Variants in CARD14 observed in about 807,000 individuals in gnomAD.
CARD14 encodes the protein caspase recruitment domain family member 14.
CARD14 carries 107 observed loss-of-function variants against 111.5 expected under a neutral mutation model. The observed-to-expected ratio is 0.96, with a 90% CI of 0.82 to 1.13. The LOEUF (loss-of-function observed/expected upper bound fraction) is 1.13, where lower values mean the gene tolerates loss of function less well. Among genes scored for constraint, CARD14 ranks in the 50% most tolerant of loss-of-function variants. The probability of loss-of-function intolerance (pLI) is 0.00; values close to 1 mark genes in which losing one functional copy is unlikely to be tolerated. For missense variants in CARD14, 1,322 were observed against 1,362.3 expected (o/e 0.97, Z 0.47); for synonymous variants, 617 against 579.6 (o/e 1.06, Z -0.93).
chr17:80,205,276 T>TTCCTC, intron 21 of CARD14, 71 bp downstream of exon 21: 1 of 1,036,304 alleles, frequency 9.6e-7, no homozygotes. Flanking sequence ...TCCTCCCTCC[T>TTCCTC]TCCTCCCCTT....
intron 2 of CARD14, among the ~76,000 whole-genome samples, chr17:80,173,787 T>C (rs1454381285): frequency 1.3e-5 from 2 of 152,174 alleles, no homozygotes; most frequent in Admixed American, 1.3e-4. Flanking sequence ...TTAGTACAGA[T>C]GGGGTTTCAC....
intron 2 of CARD14, among the ~76,000 whole-genome samples, chr17:80,178,155 TCTTC>T (rs2144116418): frequency 6.6e-6 from 1 of 152,284 alleles, no homozygotes; most frequent in South Asian, 2.1e-4. Flanking sequence ...CTCCAGCTGT[TCTTC>T]CTTCCGGGCA....
chr17:80,198,129 C>G lies in CARD14; in HGVS notation c.1625C>G (p.Pro542Arg). The G allele has an allele frequency of 6.2e-7, 1 of 1,613,868 alleles. No individual in the cohort carries two copies. The highest frequency in any genetic ancestry group is 1.1e-5 in the South Asian group (1 of 91,056). ...DLPQLESSLQ[P>R]VSPGRLDVSE... ...CCGCAGCTGGAAAGCAGCCTGCAGC[C>G]AGTCTCCCCTGGAAGGCTTGATGTC... Residue 542 changes from proline to arginine, a missense_variant, in exon 15 of 24, where the codon CCA becomes CGA. Transcript: ENST00000648509. The surrounding 1 kb of genome is among the most constrained non-coding windows in gnomAD (Gnocchi z 7.5).
Position 80,181,669 on chromosome 17 carries a change from C to T in CARD14, c.211+20C>T, listed in dbSNP as rs539713605. The stretch of plus-strand genomic sequence containing the variant: ...GGGCCGGTGAGCGCAGCTCCCTCTT[C>T]CCCACCTCTTCCAGCTTCCCGTGGC... On this transcript the variant is annotated intron_variant, in intron 5 of 23. Transcript: ENST00000648509. 1.1e-4 allele frequency: 170 copies of T among 1,528,124 alleles called. 2 individuals are homozygous for T. In the African/African-American group the frequency reaches 2.1e-3, roughly 19 times the overall value. 94.7% of individuals were successfully genotyped at this position (1,528,124 alleles called of 1,614,324 possible).
At position 80,206,503 on chromosome 17, in the gene CARD14, C is replaced by T. The variant is rs543705140; in HGVS notation, c.2692-467C>T. ...AAAGTGGGCCGGGTGCGGTGGCTCACGCCTCTAATCCCAGCACTTTGGGAG... is the reference window on the plus strand; with the variant it reads ...AAAGTGGGCCGGGTGCGGTGGCTCATGCCTCTAATCCCAGCACTTTGGGAG... On this transcript the variant is annotated intron_variant, in intron 22 of 23. Transcript: ENST00000648509. Among the ~76,000 whole-genome samples, 234 of 152,320 alleles carry T rather than the reference C, an allele frequency of 1.5e-3. 1 individual carries two copies. Among genetic ancestry groups the T allele is most frequent in the African/African-American group, 5.4e-3 (226 of 41,574 alleles).
Position 80,189,138 on chromosome 17 carries a change from G to T in CARD14, c.843+594G>T, listed in dbSNP as rs2040436743. 6.6e-6 allele frequency among the ~76,000 whole-genome samples: 1 copy of T among 152,190 alleles called. No individual in the cohort carries two copies. Among genetic ancestry groups the T allele is most frequent in the Non-Finnish European group, 1.5e-5 (1 of 68,040 alleles). On this transcript the variant is annotated intron_variant, in intron 8 of 23. Transcript: ENST00000648509. This position sits in a 1 kb window ranked among gnomAD's most constrained non-coding sequence, Gnocchi z 4.7. ...AGCGACTGTGTTCTGGAGTGGACTT[G>T]GCCAATTGTAAAGCATGGGATTCGC...
chr17:80,201,516 G>GGTTGGCA lies in CARD14; in HGVS notation c.1852-223_1852-217dup, dbSNP rs2040974377. 1.3e-5 allele frequency: 7 copies of GGTTGGCA among 552,622 alleles called. No individual in the cohort carries two copies. The African/African-American group carries it at 1.4e-4, about 11-fold the overall frequency. 34.2% of individuals were successfully genotyped at this position (552,622 alleles called of 1,614,324 possible). On this transcript the variant is annotated intron_variant, in intron 16 of 23. Transcript: ENST00000648509. The surrounding 1 kb of genome is among the most constrained non-coding windows in gnomAD (Gnocchi z 5.0). ...GAACCCCCGATCTCGACTGGGGAAG[G>GGTTGGCA]GTTGGCAGTTGACTCTCTGGCCAGC... is the stretch of plus-strand genomic sequence containing the variant.
intron 2 of CARD14, among the ~76,000 whole-genome samples, chr17:80,177,345 G>T (rs2040051033): frequency 6.6e-6 from 1 of 151,934 alleles, no homozygotes; most frequent in Admixed American, 6.6e-5. Context: ...TCCCACCTCA[G>T]CCTCCTAAGT....
At chr17:80,204,951 GCAGACC>G in intron 20 of CARD14, 78 bp from the exon 21 acceptor site, 1 of 1,240,700 alleles carries the variant, frequency 8.1e-7, no homozygotes, top group South Asian at 1.5e-5. Context: ...AGTGAGCAAA[GCAGACC>G]CAGTCCCTCC....
At chr17:80,173,327 C>T (rs1363976797) in intron 2 of CARD14, 99 bp downstream of exon 2, 1 of 60,514 alleles carries the variant, frequency 1.7e-5, no homozygotes, top group Admixed American at 1.5e-4. Flanking sequence ...CACACACACG[C>T]GCGCGCGCGC....
Position 80,191,466 on chromosome 17 carries a change from G to T in CARD14, c.1233G>T (p.Pro411=). The change falls in exon 11 of 24, where the codon CCG becomes CCT. Residue 411 remains proline (P), a synonymous_variant. Coordinates refer to ENST00000648509, the MANE Select transcript of CARD14 (RefSeq NM_001366385.1). The part of the protein sequence containing the change: ...TQLRQLQAEP[P]GVLKQEARTR... ...TTCGCCAGCTGCAGGCAGAGCCTCC[G>T]GGTGTGGTGAGTGTTCCCGGCTGAC... The T allele has an allele frequency of 6.2e-7, 1 of 1,611,970 alleles. No homozygotes were observed. The highest frequency in any genetic ancestry group is 8.5e-7 in the Non-Finnish European group (1 of 1,178,742).
chr17:80,201,603 T>C lies in CARD14; in HGVS notation c.1852-141T>C. Reference sequence around the variant, plus strand: ...CCCACAGAGGCTCTGGTGTGTGGCTTTGTTTTGACCAAGGCGTGCAGGCAG... The same window carrying C: ...CCCACAGAGGCTCTGGTGTGTGGCTCTGTTTTGACCAAGGCGTGCAGGCAG... On this transcript the variant is annotated intron_variant, in intron 16 of 23. Coordinates refer to ENST00000648509, the MANE Select transcript of CARD14 (RefSeq NM_001366385.1). This position sits in a 1 kb window ranked among gnomAD's most constrained non-coding sequence, Gnocchi z 5.0. 3.7e-6 allele frequency: 3 copies of C among 816,514 alleles called. No individual in the cohort carries two copies. Among genetic ancestry groups the C allele is most frequent in the Non-Finnish European group, 6.2e-6 (3 of 481,328 alleles). 50.6% of individuals were successfully genotyped at this position (816,514 alleles called of 1,614,324 possible).
At position 80,202,524 on chromosome 17, in the gene CARD14, C is replaced by T. The variant is rs1351988361; in HGVS notation, c.2219+104C>T. On this transcript the variant is annotated intron_variant, in intron 18 of 23. Transcript: ENST00000648509. ...CTCCTGCCCAGCAATAGAGGGTGGG[C>T]GTGGTGAGACCCCCCTAAGGAGGGA... The T allele has an allele frequency of 2.8e-5, 42 of 1,508,098 alleles. No homozygotes were observed. The South Asian group carries it at 4.1e-4, about 15-fold the overall frequency. 93.4% of individuals were successfully genotyped at this position (1,508,098 alleles called of 1,614,324 possible).
chr17:80,172,542 G>A (rs2039925249), intron 1 of CARD14, among the ~76,000 whole-genome samples: 1 of 152,296 alleles, frequency 6.6e-6, no homozygotes, highest in East Asian at 1.9e-4. Flanking sequence ...TTTCATCGGG[G>A]CTGAGGGGAG....
chr17:80,206,425 G>A (rs982691607), intron 22 of CARD14, among the ~76,000 whole-genome samples: 1 of 152,202 alleles, frequency 6.6e-6, no homozygotes, highest in Admixed American at 6.5e-5. Context: ...ACCAGCCTGA[G>A]CAACACAGTG....
rs182076223 is a variant in CARD14 at position 80,185,238 on chromosome 17, G to A, written c.675+1000G>A. On this transcript the variant is annotated intron_variant, in intron 7 of 23. Coordinates refer to ENST00000648509, the MANE Select transcript of CARD14 (RefSeq NM_001366385.1). The stretch of plus-strand genomic sequence containing the variant: ...ATTAAAAAAAAATTTTTTTTGAAAT[G>A]GGGGGTTCTCATTATGTTGCCCAGG... 1.6e-3 allele frequency among the ~76,000 whole-genome samples: 245 copies of A among 151,936 alleles called. 2 individuals carry two copies. Among genetic ancestry groups the A allele is most frequent in the Admixed American group, 4.6e-3 (70 of 15,238 alleles).
Position 80,198,548 on chromosome 17 carries a change from C to A in CARD14, c.1808C>A (p.Ala603Glu). The A allele has an allele frequency of 1.2e-6, 2 of 1,613,142 alleles. No homozygotes were observed. Among genetic ancestry groups the A allele is most frequent in the Non-Finnish European group, 1.7e-6 (2 of 1,179,856 alleles). Reference sequence around the variant, plus strand: ...ATCCACCGGGTCACCCCGGGCTCGGCGGCGGACCAGATGGCCTTGCGCCCG... The same window carrying A: ...ATCCACCGGGTCACCCCGGGCTCGGAGGCGGACCAGATGGCCTTGCGCCCG... ...IFIHRVTPGS[A>E]ADQMALRPGT... Residue 603 changes from alanine (A) to glutamate (E), a missense_variant, in exon 16 of 24, where the codon GCG (alanine) becomes GAG (glutamate). Ala to Glu is a moderately radical substitution (Grantham distance 107). Coordinates refer to ENST00000648509, the MANE Select transcript of CARD14 (RefSeq NM_001366385.1). The surrounding 1 kb of genome is among the most constrained non-coding windows in gnomAD (Gnocchi z 7.5).
chr17:80,175,637 G>A (rs1055991907), intron 2 of CARD14, among the ~76,000 whole-genome samples: 9 of 152,178 alleles, frequency 5.9e-5, no homozygotes, highest in Non-Finnish European at 1.2e-4. Context: ...GCAGGGAAAC[G>A]CCCAGAGCAC....
chr17:80,187,436 G>A (rs142471972), intron 7 of CARD14, among the ~76,000 whole-genome samples: 14 of 152,298 alleles, frequency 9.2e-5, no homozygotes, highest in Non-Finnish European at 1.9e-4. Flanking sequence ...GGCGTCTGTT[G>A]GAAATAGAAT....
Sources: allele counts gnomAD v4.1 joint callset (sites outside exome capture counted in the v4.1 genomes callset), GRCh38; gene constraint gnomAD v4.1.1; non-coding constraint Gnocchi (gnomAD v3.1); transcripts MANE v1.5; gene names NCBI Gene and HGNC (gene_info 2026-07-23, HGNC 2026-07-21).